FBXL5: variants seen among roughly 807,000 people sequenced by gnomAD.
FBXL5 encodes F-box and leucine rich repeat protein 5.
A neutral mutation model predicts 78.3 loss-of-function variants in FBXL5; 26 were observed. The observed-to-expected ratio is 0.33, with a 90% CI of 0.24 to 0.46. The LOEUF (loss-of-function observed/expected upper bound fraction) is 0.46. FBXL5 is among the 20% of genes least tolerant of loss of function. The pLI is 1.00. For synonymous variants in FBXL5, 295 were observed against 282.5 expected, an observed-to-expected ratio of 1.04 and a Z score of -0.45; for missense variants, 710 against 829.2, an observed-to-expected ratio of 0.86 and a Z score of 1.77.
In FBXL5 at chr4:15,616,342, A is replaced by G. The variant is rs577452524; in HGVS notation, c.1851-3928T>C. Among the ~76,000 whole-genome samples, 299 of 152,324 alleles carry G rather than the reference A, an allele frequency of 2.0e-3. 5 individuals carry two copies. The highest frequency in any genetic ancestry group is 7.0e-3 in the African/African-American group (292 of 41,568). The stretch of plus-strand genomic sequence containing the variant: ...GGGAAGTGGGGGAAAGCTGGCAGTG[A>G]CAGGCCTCACCCAGTTCCCACACAG... On this transcript the variant is annotated intron_variant, in intron 9 of 10. Transcript: ENST00000341285.
At chr4:15,637,006 A>T (rs769142057) in intron 4 of FBXL5, among the ~76,000 whole-genome samples, 11 of 152,214 alleles carry the variant, frequency 7.2e-5, no homozygotes, top group Non-Finnish European at 1.6e-4. Flanking sequence ...AAAAGGAACA[A>T]AACAGGTTAT....
At chr4:15,680,871 CAT>C (rs1454721102) in intron 1 of FBXL5, among the ~76,000 whole-genome samples, 1 of 149,756 alleles carries the variant, frequency 6.7e-6, no homozygotes, top group Non-Finnish European at 1.5e-5. Context: ...CTATATATGA[CAT>C]ATATATGTCA....
At chr4:15,606,399 TA>T (rs1560205723) in intron 10 of FBXL5, among the ~76,000 whole-genome samples, 2 of 152,096 alleles carry the variant, frequency 1.3e-5, no homozygotes, top group Non-Finnish European at 2.9e-5. Flanking sequence ...GTAGCCATAG[TA>T]AAAATTATCA....
At chr4:15,666,804 G>C (rs1030961559) in intron 1 of FBXL5, among the ~76,000 whole-genome samples, 2 of 151,806 alleles carry the variant, frequency 1.3e-5, no homozygotes, top group East Asian at 3.9e-4. Flanking sequence ...CTGGGTGACA[G>C]AGCTGCTACC....
At position 15,623,534 on chromosome 4, in the gene FBXL5, G is replaced by A. The variant is rs144966003; in HGVS notation, c.1850+1718C>T. Reference sequence around the variant, plus strand: ...AAAATGACAATGAAAAATGAATTACGAGGTTTTAAATTGAACTAAAAATTG... The same window carrying A: ...AAAATGACAATGAAAAATGAATTACAAGGTTTTAAATTGAACTAAAAATTG... On this transcript the variant is annotated intron_variant, in intron 9 of 10. Coordinates refer to ENST00000341285, the MANE Select transcript of FBXL5 (RefSeq NM_012161.4). Among the ~76,000 whole-genome samples, 129 of 152,074 alleles carry A rather than the reference G, an allele frequency of 8.5e-4. 3 individuals are homozygous for A. The highest frequency in any genetic ancestry group is 8.3e-4 in the South Asian group (4 of 4,816).
intron 1 of FBXL5, among the ~76,000 whole-genome samples, chr4:15,668,440 T>G (rs1463369871): frequency 6.6e-6 from 1 of 151,352 alleles, no homozygotes; most frequent in African/African-American, 2.4e-5. Context: ...GATTTTGACT[T>G]TATTCAAATC....
At chr4:15,663,269 C>G (rs986371462), upstream of FBXL5, among the ~76,000 whole-genome samples, 5 of 152,152 alleles carry the variant, frequency 3.3e-5, no homozygotes, top group African/African-American at 1.2e-4. Flanking sequence ...ACTAAGTACT[C>G]CACTGCATGG....
At chr4:15,608,450 A>C (rs1028994637) in intron 10 of FBXL5, among the ~76,000 whole-genome samples, 2 of 151,986 alleles carry the variant, frequency 1.3e-5, no homozygotes, top group Non-Finnish European at 2.9e-5. Flanking sequence ...TGGGGGAAGA[A>C]AAATGTAGAA....
At position 15,628,926 on chromosome 4, in the gene FBXL5, T is replaced by A. The variant is rs1045460195; in HGVS notation, c.893-893A>T. ...AATGTATACTATTTACTGTGAAAAT[T>A]TTAAATTTTTAATTTTTTATTGATA... On this transcript the variant is annotated intron_variant, in intron 6 of 10. Transcript: ENST00000341285. Among the ~76,000 whole-genome samples, 4 of 152,070 alleles carry A rather than the reference T, an allele frequency of 2.6e-5. No homozygotes were observed. In the South Asian group the frequency reaches 6.2e-4, roughly 24 times the overall value.
chr4:15,678,978 C>T (rs1480429820), intron 1 of FBXL5, among the ~76,000 whole-genome samples: 1 of 151,912 alleles, frequency 6.6e-6, no homozygotes, highest in Non-Finnish European at 1.5e-5. Flanking sequence ...AAACCCTTCA[C>T]AAACTACATT....
intron 10 of FBXL5, among the ~76,000 whole-genome samples, chr4:15,610,513 T>C (rs963247428): frequency 6.6e-6 from 1 of 152,080 alleles, no homozygotes; most frequent in African/African-American, 2.4e-5. Context: ...AAAAAAACTT[T>C]TACATTCAAC....
chr4:15,670,330 G>C (rs1383186075), intron 1 of FBXL5, among the ~76,000 whole-genome samples: 1 of 152,176 alleles, frequency 6.6e-6, no homozygotes, highest in Non-Finnish European at 1.5e-5. Flanking sequence ...AACTTTACAG[G>C]AAACAGTCAA....
At chr4:15,628,808 G>A (rs1057180293) in intron 6 of FBXL5, among the ~76,000 whole-genome samples, 1 of 147,870 alleles carries the variant, frequency 6.8e-6, no homozygotes, top group Non-Finnish European at 1.5e-5. Flanking sequence ...CACACACGAA[G>A]ATAAAATATA....
At chr4:15,646,357 A>G (rs1365406685) in intron 1 of FBXL5, among the ~76,000 whole-genome samples, 1 of 128,886 alleles carries the variant, frequency 7.8e-6, no homozygotes, top group Non-Finnish European at 1.7e-5. Flanking sequence ...TTGGTTAAAT[A>G]CATATTATAG....
chr4:15,627,804 A>T, intron 7 of FBXL5, 81 bp downstream of exon 7: 1 of 1,408,868 alleles, frequency 7.1e-7, no homozygotes, highest in Non-Finnish European at 9.6e-7. Flanking sequence ...GTTTCCCCTT[A>T]ATTAAACTCA....
intron 1 of FBXL5, among the ~76,000 whole-genome samples, chr4:15,667,092 G>A (rs1717579781): frequency 6.6e-6 from 1 of 152,112 alleles, no homozygotes; most frequent in Non-Finnish European, 1.5e-5. Context: ...ATTACAAATT[G>A]CAGCTATTAA....
At chr4:15,660,432 C>T (rs547319653), upstream of FBXL5, among the ~76,000 whole-genome samples, 1 of 152,246 alleles carries the variant, frequency 6.6e-6, no homozygotes, top group East Asian at 1.9e-4. Context: ...TCCCCAATTA[C>T]ACAAGACACC....
chr4:15,655,622 A>G (rs368598726), upstream of FBXL5, among the ~76,000 whole-genome samples: 9 of 152,310 alleles, frequency 5.9e-5, no homozygotes, highest in East Asian at 1.5e-3. Context: ...GGGTAGGGGA[A>G]AGTCGTTGCA....
At position 15,640,892 on chromosome 4, in the gene FBXL5, C is replaced by CAA. The variant is rs753215303; in HGVS notation, c.301-11_301-10dup. The stretch of plus-strand genomic sequence containing the variant: ...AACTGTTCATATTCATTCTGGAAAC[C>CAA]AAAAAAAAAATACATTTTTATAAAA... On this transcript the variant is annotated splice_polypyrimidine_tract_variant and intron_variant, in intron 2 of 10. Transcript: ENST00000341285. 8.2e-6 allele frequency: 10 copies of CAA among 1,213,882 alleles called. No homozygotes were observed. The highest frequency in any genetic ancestry group is 3.5e-5 in the South Asian group (2 of 56,782). The allele number at this position is 1,213,882 out of a possible 1,614,324, so 75.2% of individuals were successfully genotyped here. A position where few individuals can be genotyped will look rare whatever the true frequency, so the allele number is the denominator to read the frequency against.
Sources: gnomAD v4.1 joint callset for allele counts (sites outside exome capture counted in the v4.1 genomes callset) on GRCh38, gnomAD v4.1.1 for gene constraint, MANE v1.5 for transcripts, NCBI Gene and HGNC (gene_info 2026-07-23, HGNC 2026-07-21) for gene names.